The following SH3BP5 variants were observed in gnomAD, a reference collection of about 807,000 sequenced individuals.
The protein encoded by SH3BP5 is SH3 domain binding protein 5, also known as SH3 domain-binding protein 5.
Under a neutral mutation model 43.3 loss-of-function variants are expected in SH3BP5, and 22 were observed. That is an observed-to-expected ratio of 0.51 (90% CI 0.36 to 0.73). The LOEUF is 0.73. Among genes scored for constraint, SH3BP5 ranks in the 30% least tolerant of loss-of-function variants. SH3BP5 has a pLI of 0.00. For missense variants in SH3BP5, 529 were observed against 586.9 expected (o/e 0.90, Z 1.02); for synonymous variants, 255 against 225.8 (o/e 1.13, Z -1.16).
intron 2 of SH3BP5, among the ~76,000 whole-genome samples, chr3:15,310,258 C>A (rs1410229701): frequency 1.3e-5 from 2 of 152,170 alleles, no homozygotes; most frequent in African/African-American, 4.8e-5. Context: ...GGAATGAAAG[C>A]CTGCAGCAGA....
At chr3:15,259,562 G>A in intron 6 of SH3BP5, 199 bp downstream of exon 6, 1 of 672,616 alleles carries the variant, frequency 1.5e-6, no homozygotes, top group East Asian at 2.7e-5. Context: ...CAGAGAAGGT[G>A]ACTGAATGGC....
At position 15,315,373 on chromosome 3, in the gene SH3BP5, G is replaced by A. The variant is rs142165356; in HGVS notation, c.202-11142C>T. Among the ~76,000 whole-genome samples the A allele has an allele frequency of 8.9e-4, 135 of 152,258 alleles. 2 individuals carry two copies. Among genetic ancestry groups the A allele is most frequent in the Non-Finnish European group, 1.8e-3 (120 of 68,016 alleles). On this transcript the variant is annotated intron_variant, in intron 2 of 8. Transcript: ENST00000383791. ...ATAGTCTAATCCCAGCTTGGGCATCGCGCAGCTCCAGACCCTCTGGGCAAG... is the reference window on the plus strand; with the variant it reads ...ATAGTCTAATCCCAGCTTGGGCATCACGCAGCTCCAGACCCTCTGGGCAAG...
At chr3:15,264,975 A>G (rs1696580618) in intron 4 of SH3BP5, among the ~76,000 whole-genome samples, 1 of 152,050 alleles carries the variant, frequency 6.6e-6, no homozygotes, top group South Asian at 2.1e-4. Context: ...CTGTACAGAA[A>G]GAGTCCCCTG....
rs1696153813 is a variant in SH3BP5 at position 15,255,263 on chromosome 3, A to AAT, written c.*821_*822dup. The AAT allele has an allele frequency of 6.6e-6, 1 of 152,642 alleles. No homozygotes were observed. Among genetic ancestry groups the AAT allele is most frequent in the Admixed American group, 6.5e-5 (1 of 15,278 alleles). The allele number at this position is 152,642 out of a possible 1,614,324, so 9.5% of individuals were successfully genotyped here. On this transcript the variant is annotated 3_prime_UTR_variant, in exon 9 of 9. Coordinates refer to ENST00000383791, the MANE Select transcript of SH3BP5 (RefSeq NM_004844.5). ...TTTTTAAAGTTACAACCTACAGAGAAATTAACATCTTGTCAATCTAATAAC... is the reference window on the plus strand; with the variant it reads ...TTTTTAAAGTTACAACCTACAGAGAAATATTAACATCTTGTCAATCTAATAAC...
At chr3:15,333,002 G>A (rs1698655207), upstream of SH3BP5, 3 of 765,446 alleles carry the variant, frequency 3.9e-6, no homozygotes, top group Admixed American at 1.9e-4. Flanking sequence ...GGGAATGGCG[G>A]AGGTTCCGTG....
intron 3 of SH3BP5, among the ~76,000 whole-genome samples, chr3:15,281,875 A>T (rs1254441114): frequency 6.6e-6 from 1 of 152,134 alleles, no homozygotes. Flanking sequence ...GCGGTGGTGC[A>T]TGCCTATAAT....
chr3:15,300,013 C>T (rs891385066), intron 3 of SH3BP5, among the ~76,000 whole-genome samples: 7 of 151,970 alleles, frequency 4.6e-5, no homozygotes, highest in African/African-American at 1.7e-4. Flanking sequence ...GCTCCATCAC[C>T]CCCCCAAATA....
At chr3:15,333,658 C>G (rs1339647533), upstream of SH3BP5, among the ~76,000 whole-genome samples, 3 of 152,124 alleles carry the variant, frequency 2.0e-5, no homozygotes, top group African/African-American at 7.2e-5. Flanking sequence ...AATAGTCCTG[C>G]TCCTGGTGGT....
intron 2 of SH3BP5, among the ~76,000 whole-genome samples, chr3:15,313,264 A>G (rs1407309649): frequency 6.6e-6 from 1 of 152,220 alleles, no homozygotes; most frequent in Non-Finnish European, 1.5e-5. Flanking sequence ...TCTCAAAAAA[A>G]TTCTGAAGTA....
rs57568903 is a variant in SH3BP5, at chr3:15,297,973, C to CT, written c.330+6129dup. Among the ~76,000 whole-genome samples the CT allele has an allele frequency of 5.0e-3, 669 of 134,844 alleles. 5 individuals are homozygous for CT. The highest frequency in any genetic ancestry group is 0.01 in the African/African-American group (377 of 37,352). 88.5% of individuals were successfully genotyped at this position (134,844 alleles called of 152,430 possible). On this transcript the variant is annotated intron_variant, in intron 3 of 8. Transcript: ENST00000383791. ...TAACTGATATACAACTTTTCTTTTT[C>CT]TTTTTTTTTTTTTTTTTTAAAGAGC...
intron 3 of SH3BP5, 24 bp downstream of exon 3, chr3:15,304,079 G>A (rs1398002062): frequency 1.2e-6 from 2 of 1,601,366 alleles, no homozygotes; most frequent in Admixed American, 3.3e-5. Context: ...CGAGGTAGGG[G>A]AGACATCTAT....
chr3:15,299,132 G>C (rs1040237262), intron 3 of SH3BP5, among the ~76,000 whole-genome samples: 1 of 152,232 alleles, frequency 6.6e-6, no homozygotes, highest in African/African-American at 2.4e-5. Context: ...AGGTAAGCAA[G>C]ATACACCCTG....
intron 3 of SH3BP5, among the ~76,000 whole-genome samples, chr3:15,294,290 AGTGTGTGTGTGT>A (rs10522979): frequency 0.013 from 1,808 of 138,224 alleles, 27 homozygotes; most frequent in African/African-American, 0.035. Context: ...TGCAAAAGTA[AGTGTGTGTGTGT>A]GTGTGTGTGT....
At chr3:15,304,334 C>T (rs762399881) in intron 2 of SH3BP5, 103 bp from the exon 3 acceptor site, 13 of 1,551,194 alleles carry the variant, frequency 8.4e-6, no homozygotes, top group South Asian at 3.4e-5. Context: ...CTTTACCCAA[C>T]GTACAGACCC....
chr3:15,311,657 G>A (rs935620765), intron 2 of SH3BP5, among the ~76,000 whole-genome samples: 1 of 152,046 alleles, frequency 6.6e-6, no homozygotes, highest in Non-Finnish European at 1.5e-5. Context: ...TTAGATGTAA[G>A]CAGACATCTT....
intron 3 of SH3BP5, among the ~76,000 whole-genome samples, chr3:15,298,931 G>A (rs933961233): frequency 1.3e-5 from 2 of 151,988 alleles, no homozygotes; most frequent in Non-Finnish European, 2.9e-5. Flanking sequence ...ATGCCTTAAT[G>A]CCATCCTTAA....
At chr3:15,270,086 T>C (rs958919492) in intron 3 of SH3BP5, among the ~76,000 whole-genome samples, 5 of 152,168 alleles carry the variant, frequency 3.3e-5, no homozygotes, top group African/African-American at 4.8e-5. Context: ...GCGAACAATT[T>C]CCACAGTTCT....
chr3:15,260,885 G>T (rs1696412274), intron 5 of SH3BP5, among the ~76,000 whole-genome samples: 1 of 152,234 alleles, frequency 6.6e-6, no homozygotes, highest in Admixed American at 6.5e-5. Context: ...GTCTGAAAAG[G>T]TTGGCAAAGT....
At chr3:15,292,642 A>G (rs1047579908) in intron 3 of SH3BP5, among the ~76,000 whole-genome samples, 2 of 152,166 alleles carry the variant, frequency 1.3e-5, no homozygotes, top group African/African-American at 2.4e-5. Flanking sequence ...TGAGGTCAAG[A>G]GTTTGAGACC....
Sources: gnomAD v4.1 joint callset for allele counts (sites outside exome capture counted in the v4.1 genomes callset) on GRCh38, gnomAD v4.1.1 for gene constraint, MANE v1.5 for transcripts, NCBI Gene and HGNC (gene_info 2026-07-23, HGNC 2026-07-21) for gene names.